Variants in OR14A2 observed in about 807,000 individuals in gnomAD.
OR14A2 encodes the protein olfactory receptor family 14 subfamily A member 2, also known as olfactory receptor 14A2.
For missense variants in OR14A2, 237 were observed against 152.9 expected (o/e 1.55, Z -2.90); for synonymous variants, 114 against 58.6 (o/e 1.95, Z -4.32).
At chr1:247,734,794 G>T in the OR14A2 span, among the ~76,000 whole-genome samples, 2 of 152,126 alleles carry the variant, frequency 1.3e-5, no homozygotes, top group East Asian at 1.9e-4. Flanking sequence ...CGTCAACTTC[G>T]CAATGAATGT....
the OR14A2 span, chr1:247,738,771 C>G: frequency 2.6e-6 from 2 of 780,856 alleles, no homozygotes; most frequent in Admixed American, 3.4e-5. Flanking sequence ...GGACCATCGT[C>G]TCCACATGGC....
chr1:247,728,482 T>A (rs547744429), upstream of OR14A2, among the ~76,000 whole-genome samples: 166 of 152,050 alleles, frequency 1.1e-3, no homozygotes, highest in East Asian at 4.7e-3. Context: ...GAATGGGCAA[T>A]AACTGGAAGC....
chr1:247,727,239 G>T (rs1264431311), upstream of OR14A2, among the ~76,000 whole-genome samples: 7 of 147,742 alleles, frequency 4.7e-5, no homozygotes, highest in African/African-American at 1.6e-4. Context: ...TCCTTGAAGA[G>T]GTCCTTCACA....
At chr1:247,741,167 G>A in the OR14A2 span, among the ~76,000 whole-genome samples, 4 of 152,230 alleles carry the variant, frequency 2.6e-5, no homozygotes, top group African/African-American at 9.6e-5. Context: ...TGTATGTATT[G>A]TATGTCAGAA....
exon 1 of OR14A2, chr1:247,723,711 A>G: frequency 1.4e-6 from 1 of 718,616 alleles, no homozygotes; most frequent in Non-Finnish European, 2.6e-6. Context: ...CAGTGAGGAT[A>G]AATATCTCTC....
chr1:247,746,381 A>G, the OR14A2 span: 66 of 152,212 alleles, frequency 4.3e-4, 1 homozygote, highest in African/African-American at 1.6e-3. Context: ...GATGGGTGGC[A>G]TCCACTAGCG....
the OR14A2 span, among the ~76,000 whole-genome samples, chr1:247,743,906 A>T: frequency 6.6e-6 from 1 of 152,198 alleles, no homozygotes; most frequent in African/African-American, 2.4e-5. Flanking sequence ...TATTGAATAT[A>T]TTCTGCTATA....
the OR14A2 span, chr1:247,739,234 C>T: frequency 1.4e-5 from 11 of 780,716 alleles, no homozygotes; most frequent in Non-Finnish European, 2.6e-5. Flanking sequence ...TATGCATTTT[C>T]ATGTTTAGTT....
upstream of OR14A2, among the ~76,000 whole-genome samples, chr1:247,725,513 ATTT>A (rs1014481153): frequency 2.9e-3 from 422 of 143,114 alleles, 2 homozygotes; most frequent in African/African-American, 0.011. Context: ...TTATTTATTT[ATTT>A]TTTATTTATT....
At chr1:247,739,011 G>T in the OR14A2 span, 1 of 780,732 alleles carries the variant, frequency 1.3e-6, no homozygotes, top group Non-Finnish European at 2.4e-6. Flanking sequence ...CTGTGAGGCT[G>T]TCATGAGCAG....
At chr1:247,730,348 C>T in the OR14A2 span, among the ~76,000 whole-genome samples, 1 of 152,080 alleles carries the variant, frequency 6.6e-6, no homozygotes, top group African/African-American at 2.4e-5. Context: ...CTCTACCCTG[C>T]ATAACTGCAC....
the OR14A2 span, among the ~76,000 whole-genome samples, chr1:247,738,356 G>A: frequency 6.6e-6 from 1 of 152,156 alleles, no homozygotes; most frequent in Admixed American, 6.5e-5. Flanking sequence ...TTCAAGTAAT[G>A]AGGGAGAGAA....
At chr1:247,737,617 CCTGTTTTCTGTT>C in the OR14A2 span, among the ~76,000 whole-genome samples, 5 of 152,218 alleles carry the variant, frequency 3.3e-5, no homozygotes, top group African/African-American at 1.2e-4. Context: ...AACCGTCCAT[CCTGTTTTCTGTT>C]CTGTGTGTTT....
chr1:247,727,058 A>T (rs1176806354), upstream of OR14A2, among the ~76,000 whole-genome samples: 4 of 150,584 alleles, frequency 2.7e-5, no homozygotes, highest in Non-Finnish European at 5.9e-5. Context: ...AGTTTTTTCC[A>T]ATTCTGTGAA....
At chr1:247,728,997 G>A (rs1241046239), upstream of OR14A2, among the ~76,000 whole-genome samples, 3 of 152,102 alleles carry the variant, frequency 2.0e-5, no homozygotes, top group African/African-American at 7.2e-5. Flanking sequence ...CTGCAAAGCT[G>A]TGGTAGTTTC....
At chr1:247,725,719 C>A (rs1360711117), upstream of OR14A2, among the ~76,000 whole-genome samples, 2 of 124,662 alleles carry the variant, frequency 1.6e-5, no homozygotes, top group Non-Finnish European at 3.3e-5. Flanking sequence ...GTGTGATATT[C>A]CCCTTCCTGT....
At chr1:247,735,261 A>G in the OR14A2 span, among the ~76,000 whole-genome samples, 8 of 152,312 alleles carry the variant, frequency 5.3e-5, no homozygotes, top group East Asian at 9.7e-4. Flanking sequence ...AAACAAATCC[A>G]TGTTTCAGAC....
the OR14A2 span, among the ~76,000 whole-genome samples, chr1:247,734,291 C>T: frequency 4.9e-4 from 74 of 152,130 alleles, no homozygotes; most frequent in African/African-American, 1.6e-3. Flanking sequence ...ATCTGCAGCC[C>T]GAGGAGAAGA....
the OR14A2 span, among the ~76,000 whole-genome samples, chr1:247,739,974 G>T: frequency 6.6e-6 from 1 of 152,248 alleles, no homozygotes; most frequent in Non-Finnish European, 1.5e-5. Flanking sequence ...GCCTCCAAAA[G>T]TGTTGGGATT....
Sources: allele counts gnomAD v4.1 joint callset (sites outside exome capture counted in the v4.1 genomes callset), GRCh38; gene constraint gnomAD v4.1.1; transcripts MANE v1.5; gene names NCBI Gene and HGNC (gene_info 2026-07-23, HGNC 2026-07-21).